WDR7: variants seen among roughly 807,000 people sequenced by gnomAD.
WDR7 encodes the protein WD repeat domain 7, also known as WD repeat-containing protein 7.
In WDR7, 46 loss-of-function variants were observed where a neutral mutation model predicts 169.4. The observed-to-expected ratio is 0.27, with a 90% CI of 0.21 to 0.35. WDR7 has a LOEUF of 0.35. Ranked by LOEUF, WDR7 falls within the 10% of genes least tolerant of loss-of-function variation. The pLI is 1.00. For synonymous variants in WDR7, 612 were observed against 666.8 expected (o/e 0.92, Z 1.27); for missense variants, 1,534 against 1,859.3 (o/e 0.83, Z 3.22).
intron 14 of WDR7, among the ~76,000 whole-genome samples, chr18:56,737,310 T>C (rs1057329146): frequency 6.6e-6 from 1 of 152,244 alleles, no homozygotes; most frequent in African/African-American, 2.4e-5. Context: ...AAGCATTTGC[T>C]ACATACATGG....
chr18:56,917,858 A>T (rs1332433393), intron 21 of WDR7, among the ~76,000 whole-genome samples: 2 of 142,112 alleles, frequency 1.4e-5, no homozygotes, highest in African/African-American at 5.4e-5. Flanking sequence ...TAGCACCTTT[A>T]AAAAAAAAGT....
chr18:57,029,993 C>T (rs769404001), downstream of WDR7: 7 of 152,192 alleles, frequency 4.6e-5, no homozygotes, highest in Non-Finnish European at 7.3e-5. Context: ...CTCACTGGCA[C>T]TCTCTGTGGT....
At chr18:56,707,588 A>G (rs1391583836) in intron 12 of WDR7, among the ~76,000 whole-genome samples, 1 of 152,126 alleles carries the variant, frequency 6.6e-6, no homozygotes, top group African/African-American at 2.4e-5. Context: ...CTGTCTGAGA[A>G]GCCCAAACTG....
chr18:56,733,098 G>T (rs753904962), intron 14 of WDR7, among the ~76,000 whole-genome samples: 1 of 151,920 alleles, frequency 6.6e-6, no homozygotes, highest in Non-Finnish European at 1.5e-5. Context: ...ATTTTATAGC[G>T]CAATTAGTGA....
chr18:56,988,590 AGTGTGT>A (rs71171009), intron 26 of WDR7, among the ~76,000 whole-genome samples: 38,542 of 142,462 alleles, frequency 0.27, 5,601 homozygotes, highest in Middle Eastern at 0.43. Context: ...ATGGAAGGCA[AGTGTGT>A]GTGTGTGTGT....
intron 27 of WDR7, among the ~76,000 whole-genome samples, chr18:57,026,261 C>T (rs767192091): frequency 6.6e-6 from 1 of 151,956 alleles, no homozygotes; most frequent in Non-Finnish European, 1.5e-5. Context: ...ATTAAGAAAA[C>T]CTAAAATTTA....
intron 2 of WDR7, among the ~76,000 whole-genome samples, chr18:56,675,675 C>G (rs1366259373): frequency 6.6e-6 from 1 of 151,380 alleles, no homozygotes; most frequent in Non-Finnish European, 1.5e-5. Flanking sequence ...TTTTTGCTTT[C>G]TAATAGGGAT....
Position 56,776,880 on chromosome 18 carries a change from G to A in WDR7, c.2947G>A (p.Gly983Ser), listed in dbSNP as rs113781282. The A allele has an allele frequency of 3.7e-6, 6 of 1,611,966 alleles. No individual in the cohort carries two copies. Among genetic ancestry groups the A allele is most frequent in the Non-Finnish European group, 5.1e-6 (6 of 1,178,382 alleles). The change falls in exon 17 of 28, where the codon GGT (glycine) becomes AGT (serine). Residue 983 changes from glycine (G) to serine (S), a missense_variant and splice_region_variant. Physicochemically the swap from Gly to Ser is moderately conservative, Grantham distance 56. Coordinates refer to ENST00000254442, the MANE Select transcript of WDR7 (RefSeq NM_015285.3). ...ALHTCFLVNEGWSQLAAMHCV... is the reference protein window; with the variant it reads ...ALHTCFLVNESWSQLAAMHCV... ...ACATACCTGTTTCTTAGTAAATGAA[G>A]GTATCTCTCTCAACTTCTAACAACT...
intron 2 of WDR7, among the ~76,000 whole-genome samples, chr18:56,676,190 T>C (rs507978): frequency 0.92 from 139,658 of 152,124 alleles, 65,272 homozygotes; most frequent in East Asian, 1. Flanking sequence ...TGTACCTATT[T>C]CTGCTTTTTT....
intron 21 of WDR7, among the ~76,000 whole-genome samples, chr18:56,903,093 T>C (rs1459992211): frequency 1.3e-5 from 2 of 152,178 alleles, no homozygotes; most frequent in Non-Finnish European, 2.9e-5. Context: ...TATTAATGCC[T>C]TGGGTGGTAG....
chr18:56,944,666 T>C (rs565760697), intron 25 of WDR7, among the ~76,000 whole-genome samples: 122 of 152,208 alleles, frequency 8.0e-4, no homozygotes, highest in Non-Finnish European at 8.4e-4. Context: ...AAACTTCCGA[T>C]GTCATCTGTT....
At chr18:56,722,154 A>G (rs939455164) in intron 13 of WDR7, among the ~76,000 whole-genome samples, 1 of 152,248 alleles carries the variant, frequency 6.6e-6, no homozygotes, top group African/African-American at 2.4e-5. Context: ...TATATAAAAC[A>G]TGGCTAACAA....
chr18:56,905,637 A>G (rs1415884157), intron 21 of WDR7, among the ~76,000 whole-genome samples: 1 of 150,584 alleles, frequency 6.6e-6, no homozygotes, highest in Admixed American at 6.6e-5. Flanking sequence ...ATATATATAT[A>G]TATATCATAT....
intron 20 of WDR7, among the ~76,000 whole-genome samples, chr18:56,869,177 AAAAG>A (rs771553801): frequency 2.6e-4 from 39 of 152,200 alleles, no homozygotes; most frequent in Admixed American, 1.4e-3. Flanking sequence ...ATTTCTTTGA[AAAAG>A]AAAATCATTT....
At chr18:56,760,863 C>A (rs1350855779) in intron 16 of WDR7, among the ~76,000 whole-genome samples, 2 of 152,120 alleles carry the variant, frequency 1.3e-5, no homozygotes, top group African/African-American at 2.4e-5. Context: ...TGATGAGATA[C>A]CCTAGCCAAC....
intron 20 of WDR7, among the ~76,000 whole-genome samples, chr18:56,838,184 T>C (rs1397669608): frequency 6.6e-6 from 1 of 152,136 alleles, no homozygotes; most frequent in Non-Finnish European, 1.5e-5. Flanking sequence ...ATGCTAACAT[T>C]TGTGTGTCAT....
intron 26 of WDR7, among the ~76,000 whole-genome samples, chr18:56,990,623 A>G (rs2047797573): frequency 6.6e-6 from 1 of 152,232 alleles, no homozygotes; most frequent in South Asian, 2.1e-4. Flanking sequence ...GCTGTTGTAC[A>G]CTTGGAAAAG....
At chr18:56,746,656 C>G (rs987858779) in intron 14 of WDR7, among the ~76,000 whole-genome samples, 6 of 152,170 alleles carry the variant, frequency 3.9e-5, no homozygotes, top group Non-Finnish European at 8.8e-5. Flanking sequence ...GGGTCTTCCT[C>G]TCTGATCCTC....
intron 12 of WDR7, among the ~76,000 whole-genome samples, chr18:56,714,090 C>G (rs2026140858): frequency 6.6e-6 from 1 of 152,108 alleles, no homozygotes; most frequent in African/African-American, 2.4e-5. Context: ...GCAAAGGTAG[C>G]CATCACCTCA....
Sources: gnomAD v4.1 joint callset for allele counts (sites outside exome capture counted in the v4.1 genomes callset) on GRCh38, gnomAD v4.1.1 for gene constraint, MANE v1.5 for transcripts, NCBI Gene and HGNC (gene_info 2026-07-23, HGNC 2026-07-21) for gene names.